TMEM132D: variants seen among roughly 807,000 people sequenced by gnomAD.
TMEM132D encodes mature OL transmembrane protein.
In TMEM132D, 21 loss-of-function variants were observed where a neutral mutation model predicts 62.3. The observed-to-expected ratio is 0.34, with a 90% CI of 0.24 to 0.49. TMEM132D has a LOEUF of 0.49. TMEM132D is among the 20% of genes least tolerant of loss of function. The pLI is 0.99. For synonymous variants in TMEM132D, 621 were observed against 575.6 expected (o/e 1.08, Z -1.13); for missense variants, 1,346 against 1,402.8 (o/e 0.96, Z 0.65).
chr12:129,663,161 T>TG lies in TMEM132D; in HGVS notation c.968+36648dup, dbSNP rs1242846739. Among the ~76,000 whole-genome samples, 3 of 151,954 alleles carry TG rather than the reference T, an allele frequency of 2.0e-5. No homozygotes were observed. In the East Asian group the frequency reaches 5.8e-4, roughly 29 times the overall value. ...CCCTTTTTTTTTTTTCCTTTTGAGA[T>TG]GGAGTTTCACTCATTACCCAGGCTA... On this transcript the variant is annotated intron_variant, in intron 2 of 8. Coordinates refer to ENST00000422113, the MANE Select transcript of TMEM132D (RefSeq NM_133448.3).
chr12:129,625,129 T>C (rs1279124692), intron 2 of TMEM132D, among the ~76,000 whole-genome samples: 5 of 152,316 alleles, frequency 3.3e-5, no homozygotes, highest in African/African-American at 1.2e-4. Flanking sequence ...ATCCGTTCAG[T>C]CTCATTGGCT....
chr12:129,809,432 G>A (rs1323046813), intron 1 of TMEM132D, among the ~76,000 whole-genome samples: 8 of 152,078 alleles, frequency 5.3e-5, no homozygotes, highest in Non-Finnish European at 1.2e-4. Context: ...GAGCCGGGAT[G>A]GACACCCTGG....
intron 4 of TMEM132D, among the ~76,000 whole-genome samples, chr12:129,267,198 A>G (rs1411656343): frequency 6.6e-6 from 1 of 151,974 alleles, no homozygotes; most frequent in Non-Finnish European, 1.5e-5. Flanking sequence ...TTCAGGCAGG[A>G]GAAAGAAATA....
At chr12:129,195,606 C>T (rs1212718177) in intron 5 of TMEM132D, among the ~76,000 whole-genome samples, 1 of 151,134 alleles carries the variant, frequency 6.6e-6, no homozygotes, top group Non-Finnish European at 1.5e-5. Context: ...AATAGTTAAA[C>T]CAGGGAAGGC....
intron 4 of TMEM132D, among the ~76,000 whole-genome samples, chr12:129,236,301 G>C (rs964337874): frequency 6.6e-6 from 1 of 151,936 alleles, no homozygotes; most frequent in Admixed American, 6.6e-5. Context: ...TGGATCACAA[G>C]GTCAGGAGTT....
chr12:129,777,094 T>A (rs1465826049), intron 1 of TMEM132D, among the ~76,000 whole-genome samples: 1 of 152,234 alleles, frequency 6.6e-6, no homozygotes, highest in Non-Finnish European at 1.5e-5. Context: ...CTATAAATTG[T>A]AAACCTTCCC....
intron 5 of TMEM132D, among the ~76,000 whole-genome samples, chr12:129,140,996 G>T (rs535207419): frequency 4.5e-4 from 68 of 152,248 alleles, no homozygotes; most frequent in African/African-American, 1.6e-3. Flanking sequence ...TCCAGGTTTT[G>T]GTCATTGGGA....
intron 5 of TMEM132D, among the ~76,000 whole-genome samples, chr12:129,124,019 C>G (rs1876140492): frequency 6.6e-6 from 1 of 152,184 alleles, no homozygotes; most frequent in Admixed American, 6.5e-5. Context: ...GAGCCAATTC[C>G]TATAATAAAT....
In TMEM132D at chr12:129,377,957, C is replaced by G. The variant is rs570181878; in HGVS notation, c.1116-40140G>C. On this transcript the variant is annotated intron_variant, in intron 3 of 8. Coordinates refer to ENST00000422113, the MANE Select transcript of TMEM132D (RefSeq NM_133448.3). ...TCAGGTTTAAGCGATAAAAGATTAT[C>G]TTAGTATTTTTGACCTGGGATCACC... 4.4e-4 allele frequency among the ~76,000 whole-genome samples: 67 copies of G among 152,280 alleles called. 1 individual carries two copies. The South Asian group carries it at 0.013, about 31-fold the overall frequency.
chr12:129,411,475 C>G (rs189870398), intron 3 of TMEM132D, among the ~76,000 whole-genome samples: 54 of 152,210 alleles, frequency 3.5e-4, no homozygotes, highest in Admixed American at 7.2e-4. Context: ...TTCAAGGGAT[C>G]TTCCTGCCTC....
chr12:129,261,889 C>T (rs1880558980), intron 4 of TMEM132D, among the ~76,000 whole-genome samples: 1 of 152,108 alleles, frequency 6.6e-6, no homozygotes, highest in Admixed American at 6.5e-5. Context: ...AGTATTTTAA[C>T]ATAATGAATT....
At chr12:129,571,291 C>A (rs890177014) in intron 2 of TMEM132D, among the ~76,000 whole-genome samples, 1 of 152,112 alleles carries the variant, frequency 6.6e-6, no homozygotes, top group East Asian at 1.9e-4. Flanking sequence ...TAAGGCCGGG[C>A]GTGGTGGTTC....
chr12:129,424,971 C>G (rs1461551252), intron 3 of TMEM132D, among the ~76,000 whole-genome samples: 1 of 152,140 alleles, frequency 6.6e-6, no homozygotes, highest in Non-Finnish European at 1.5e-5. Flanking sequence ...CCTCAGGCAA[C>G]CACTAATCAA....
At chr12:129,076,447 G>A (rs1181889212) in intron 8 of TMEM132D, among the ~76,000 whole-genome samples, 1 of 152,114 alleles carries the variant, frequency 6.6e-6, no homozygotes, top group Non-Finnish European at 1.5e-5. Context: ...GACCATGACA[G>A]AAGTAATTTT....
At chr12:129,341,617 G>A (rs557628068) in intron 3 of TMEM132D, among the ~76,000 whole-genome samples, 71 of 152,302 alleles carry the variant, frequency 4.7e-4, no homozygotes, top group African/African-American at 1.5e-3. Context: ...AATTAATAAT[G>A]TTTACTAAAC....
At chr12:129,773,240 A>G (rs530362291) in intron 1 of TMEM132D, among the ~76,000 whole-genome samples, 2 of 152,362 alleles carry the variant, frequency 1.3e-5, no homozygotes, top group East Asian at 3.9e-4. Context: ...TATGCTATGC[A>G]AACTTCAGGT....
At chr12:129,776,775 A>C (rs1283101877) in intron 1 of TMEM132D, among the ~76,000 whole-genome samples, 1 of 149,292 alleles carries the variant, frequency 6.7e-6, no homozygotes, top group African/African-American at 2.5e-5. Flanking sequence ...CTACATTTTT[A>C]AATAATGGGC....
At chr12:129,801,147 C>T (rs941079838) in intron 1 of TMEM132D, among the ~76,000 whole-genome samples, 7 of 152,194 alleles carry the variant, frequency 4.6e-5, no homozygotes, top group African/African-American at 1.2e-4. Context: ...GAGGGGCGCC[C>T]GCCATTGCCC....
At chr12:129,479,396 G>A (rs905645414) in intron 3 of TMEM132D, among the ~76,000 whole-genome samples, 3 of 152,116 alleles carry the variant, frequency 2.0e-5, no homozygotes, top group Admixed American at 6.5e-5. Context: ...TGGAGAGAGT[G>A]TCAGAATCTG....
Sources: allele counts gnomAD v4.1 joint callset (sites outside exome capture counted in the v4.1 genomes callset), GRCh38; gene constraint gnomAD v4.1.1; transcripts MANE v1.5; gene names NCBI Gene and HGNC (gene_info 2026-07-23, HGNC 2026-07-21).